The following CSGALNACT1 variants were observed in gnomAD, a reference collection of about 807,000 sequenced individuals.
The protein encoded by CSGALNACT1 is beta4GalNAcT-1.
Under a neutral mutation model 51.0 loss-of-function variants are expected in CSGALNACT1, and 52 were observed. That is an observed-to-expected ratio of 1.02 (90% confidence interval 0.82 to 1.29). CSGALNACT1 has a LOEUF of 1.29. CSGALNACT1 is among the 50% of genes most tolerant of loss of function. The probability of loss-of-function intolerance (pLI) is 0.00; values close to 1 mark genes in which losing one functional copy is unlikely to be tolerated. For synonymous variants in CSGALNACT1, 341 were observed against 254.4 expected, an observed-to-expected ratio of 1.34 and a Z score of -3.24; for missense variants, 935 against 679.2, an observed-to-expected ratio of 1.38 and a Z score of -4.19.
rs567528247 is a variant in CSGALNACT1 at position 19,417,506 on chromosome 8, C to T, written c.1227+1150G>A. Among the ~76,000 whole-genome samples, 9 of 152,302 alleles carry T rather than the reference C, an allele frequency of 5.9e-5. No individual in the cohort carries two copies. The South Asian group carries it at 1.0e-3, about 18-fold the overall frequency. ...CTTACACACAAAGTCAATCCTCAAA[C>T]GCATCCAGAACATGGGTTTTGGATG... On this transcript the variant is annotated intron_variant, in intron 8 of 9. Coordinates refer to ENST00000454498, the Ensembl canonical transcript of CSGALNACT1.
chr8:19,597,879 T>G (rs1250326362), intron 2 of CSGALNACT1, among the ~76,000 whole-genome samples: 3 of 152,222 alleles, frequency 2.0e-5, no homozygotes, highest in African/African-American at 7.2e-5. Context: ...GAGGGCCAGA[T>G]GGCCAAAGGG....
intron 8 of CSGALNACT1, among the ~76,000 whole-genome samples, chr8:19,415,806 T>C (rs1763467482): frequency 6.6e-6 from 1 of 152,228 alleles, no homozygotes; most frequent in African/African-American, 2.4e-5. Flanking sequence ...ATATCCTGTT[T>C]CCCTTTCAAT....
chr8:19,729,817 T>A (rs2063592540), intron 1 of CSGALNACT1, among the ~76,000 whole-genome samples: 2 of 152,060 alleles, frequency 1.3e-5, no homozygotes, highest in Admixed American at 1.3e-4. Context: ...ATTCCTGGGC[T>A]CCACAGCAGT....
At chr8:19,717,164 G>A (rs1589669970) in intron 1 of CSGALNACT1, among the ~76,000 whole-genome samples, 2 of 152,224 alleles carry the variant, frequency 1.3e-5, no homozygotes, top group Non-Finnish European at 2.9e-5. Context: ...TGGCAGAGAG[G>A]AGGAATGGAA....
chr8:19,405,425 T>A (rs1415772183), exon 10 of CSGALNACT1: 1 of 475,458 alleles, frequency 2.1e-6, no homozygotes, highest in African/African-American at 2.0e-5. Context: ...TGCTAATGAA[T>A]TTTTTACAAA....
At chr8:19,599,090 AGGT>A (rs2049643379) in intron 2 of CSGALNACT1, among the ~76,000 whole-genome samples, 1 of 151,704 alleles carries the variant, frequency 6.6e-6, no homozygotes, top group South Asian at 2.1e-4. Context: ...GAAGGGCCAG[AGGT>A]GGGAGACAGG....
At chr8:19,440,561 C>A (rs10112117) in intron 5 of CSGALNACT1, among the ~76,000 whole-genome samples, 1 of 152,022 alleles carries the variant, frequency 6.6e-6, no homozygotes, top group African/African-American at 2.4e-5. Flanking sequence ...ATTGATGGGA[C>A]GTATTTCAAA....
intron 6 of CSGALNACT1, among the ~76,000 whole-genome samples, chr8:19,437,233 TGGGGGTTGAGG>T (rs2060520258): frequency 6.6e-6 from 1 of 151,798 alleles, no homozygotes; most frequent in Non-Finnish European, 1.5e-5. Flanking sequence ...TGGGGAGTGA[TGGGGGTTGAGG>T]TTTGAATTAA....
intron 2 of CSGALNACT1, among the ~76,000 whole-genome samples, chr8:19,592,645 T>G (rs769758677): frequency 4.6e-5 from 7 of 152,084 alleles, no homozygotes; most frequent in Non-Finnish European, 8.8e-5. Flanking sequence ...TCCCAGCTAC[T>G]TAGGAGGCTA....
At chr8:19,606,353 A>AAC (rs1359763775), upstream of CSGALNACT1, among the ~76,000 whole-genome samples, 1 of 152,236 alleles carries the variant, frequency 6.6e-6, no homozygotes, top group Non-Finnish European at 1.5e-5. Flanking sequence ...TAGAGCAGGG[A>AAC]TAGGGTCAGG....
chr8:19,624,943 C>T (rs2054263251), intron 1 of CSGALNACT1, among the ~76,000 whole-genome samples: 1 of 152,226 alleles, frequency 6.6e-6, no homozygotes, highest in Non-Finnish European at 1.5e-5. Flanking sequence ...TCCCAAAATG[C>T]CGGGATTACA....
At chr8:19,529,208 G>A (rs1355713223) in intron 3 of CSGALNACT1, among the ~76,000 whole-genome samples, 1 of 152,154 alleles carries the variant, frequency 6.6e-6, no homozygotes, top group African/African-American at 2.4e-5. Flanking sequence ...CGAAAGAAGA[G>A]TGAATTAAAG....
At chr8:19,535,545 A>T (rs925662750) in intron 3 of CSGALNACT1, among the ~76,000 whole-genome samples, 2 of 152,226 alleles carry the variant, frequency 1.3e-5, no homozygotes, top group African/African-American at 4.8e-5. Flanking sequence ...ATGTCCATTA[A>T]TAACAATAAA....
chr8:19,406,610 AAT>A (rs966844410), intron 9 of CSGALNACT1, among the ~76,000 whole-genome samples: 1 of 147,134 alleles, frequency 6.8e-6, no homozygotes, highest in African/African-American at 2.5e-5. Context: ...AATAATTAAA[AAT>A]AGAGGTTTCG....
Position 19,408,468 on chromosome 8 carries a change from CTTTTTTTTTTTTTT to C in CSGALNACT1, c.1309+131_1309+144del, listed in dbSNP as rs1186216767. 1,519 of 469,462 alleles carry C rather than the reference CTTTTTTTTTTTTTT, an allele frequency of 3.2e-3. 14 individuals are homozygous for C. The highest frequency in any genetic ancestry group is 3.3e-3 in the Non-Finnish European group (910 of 276,020). 29.1% of individuals were successfully genotyped at this position (469,462 alleles called of 1,614,324 possible). Reference sequence around the variant, plus strand: ...AGCCACCGCACCTAGTCTGGAATAGCTTTTTTTTTTTTTTTTTTTTTTTTTTTTTGAAGGCAATG... The same window carrying C: ...AGCCACCGCACCTAGTCTGGAATAGCTTTTTTTTTTTTTTTGAAGGCAATG... On this transcript the variant is annotated intron_variant, in intron 9 of 9. Transcript: ENST00000454498.
chr8:19,581,409 C>T (rs754130780), intron 3 of CSGALNACT1, among the ~76,000 whole-genome samples: 22 of 152,130 alleles, frequency 1.4e-4, no homozygotes, highest in Non-Finnish European at 2.9e-4. Flanking sequence ...CTCTTAAACT[C>T]CCCAAATTAA....
chr8:19,594,259 CAG>C (rs1259448765), intron 2 of CSGALNACT1, among the ~76,000 whole-genome samples: 1 of 152,038 alleles, frequency 6.6e-6, no homozygotes, highest in East Asian at 1.9e-4. Flanking sequence ...AAAAAACTAC[CAG>C]AGTTTATTGT....
At chr8:19,660,119 C>T (rs543538647) in intron 1 of CSGALNACT1, among the ~76,000 whole-genome samples, 121 of 152,204 alleles carry the variant, frequency 7.9e-4, no homozygotes, top group Admixed American at 3.5e-3. Flanking sequence ...ACTTAATGGT[C>T]AATCTGTGGG....
At chr8:19,491,863 C>G (rs2074422449) in intron 4 of CSGALNACT1, among the ~76,000 whole-genome samples, 1 of 152,190 alleles carries the variant, frequency 6.6e-6, no homozygotes, top group Non-Finnish European at 1.5e-5. Context: ...CATTTACATT[C>G]CACACACTTT....
Sources: allele counts gnomAD v4.1 joint callset (sites outside exome capture counted in the v4.1 genomes callset), GRCh38; gene constraint gnomAD v4.1.1; transcripts MANE v1.5; gene names NCBI Gene and HGNC (gene_info 2026-07-23, HGNC 2026-07-21).